DNAH7: variants seen among roughly 807,000 people sequenced by gnomAD.
DNAH7 encodes the protein axonemal beta dynein heavy chain 7.
Under a neutral mutation model 444.6 loss-of-function variants are expected in DNAH7, and 397 were observed. That is an observed-to-expected ratio of 0.89 (90% CI 0.82 to 0.97). DNAH7 has a LOEUF of 0.97. DNAH7 is among the 50% of genes least tolerant of loss of function. DNAH7 has a pLI of 0.00. For synonymous variants in DNAH7, 1,636 were observed against 1,624.4 expected (o/e 1.01, Z -0.17); for missense variants, 4,902 against 4,800.8 (o/e 1.02, Z -0.62).
chr2:195,910,095 C>T lies in DNAH7; in HGVS notation c.4036G>A (p.Ala1346Thr), dbSNP rs1687267813. The T allele has an allele frequency of 6.2e-7, 1 of 1,613,830 alleles. No individual in the cohort carries two copies. Among genetic ancestry groups the T allele is most frequent in the African/African-American group, 1.3e-5 (1 of 74,900 alleles). ...CAGTTGAAAACAACACATTGTTTGG[C>T]TACAGCTTTTGCCAAATCCTTGGTA... Reference protein sequence around the residue: ...ETTKDLAKAVAKQCVVFNCSD... With the variant: ...ETTKDLAKAVTKQCVVFNCSD... The change falls in exon 25 of 65, where the codon GCC becomes ACC. Residue 1346 changes from alanine (A) to threonine (T), a missense_variant. Coordinates refer to ENST00000312428, the MANE Select transcript of DNAH7 (RefSeq NM_018897.3).
At chr2:196,031,105 C>T (rs1272228556) in intron 5 of DNAH7, among the ~76,000 whole-genome samples, 1 of 152,250 alleles carries the variant, frequency 6.6e-6, no homozygotes, top group Non-Finnish European at 1.5e-5. Flanking sequence ...CATTTCCATA[C>T]ATCTTCTGAA....
Position 195,871,596 on chromosome 2 carries a change from TA to T in DNAH7, c.6633+653del, listed in dbSNP as rs957555551. 6.4e-3 allele frequency among the ~76,000 whole-genome samples: 924 copies of T among 143,972 alleles called. 7 individuals carry two copies. Among genetic ancestry groups the T allele is most frequent in the African/African-American group, 0.017 (671 of 39,610 alleles). The allele number at this position is 143,972 out of a possible 152,430, so 94.5% of individuals were successfully genotyped here. A position where few individuals can be genotyped will look rare whatever the true frequency, so the allele number is the denominator to read the frequency against. On this transcript the variant is annotated intron_variant, in intron 40 of 64. Coordinates refer to ENST00000312428, the MANE Select transcript of DNAH7 (RefSeq NM_018897.3). ...AGTAATACTATACAAATAAGTAATGTAAAAAAAAAAAACCACATTCACTTCT... is the reference window on the plus strand; with the variant it reads ...AGTAATACTATACAAATAAGTAATGTAAAAAAAAAAACCACATTCACTTCT...
Position 195,960,857 on chromosome 2 carries a change from G to A in DNAH7, c.2294C>T (p.Pro765Leu). 1 of 1,614,096 alleles carries A rather than the reference G, an allele frequency of 6.2e-7. No homozygotes were observed. The highest frequency in any genetic ancestry group is 2.2e-5 in the East Asian group (1 of 44,880). ...QRKKIQDGLNPYLRLYETAVE... is the reference protein window; with the variant it reads ...QRKKIQDGLNLYLRLYETAVE... ...AGCAGTTTCATAAAGACGAAGATAA[G>A]GGTTCAAGCCATCTTGGATTTTTTT... Residue 765 changes from proline to leucine, a missense_variant, in exon 18 of 65, where the codon CCT (proline) becomes CTT (leucine). Coordinates refer to ENST00000312428, the MANE Select transcript of DNAH7 (RefSeq NM_018897.3).
rs139900518 is a variant in DNAH7, at chr2:195,820,944, T to C, written c.9292-3115A>G. Among the ~76,000 whole-genome samples the C allele has an allele frequency of 1.5e-3, 229 of 152,346 alleles. 1 individual carries two copies. Among genetic ancestry groups the C allele is most frequent in the African/African-American group, 5.4e-3 (223 of 41,580 alleles). ...TTTTATGTTTTATTCCTCTCAAGGC[T>C]CTGCTAGTCTATGAAGTACCTTGTG... On this transcript the variant is annotated intron_variant, in intron 49 of 64. Coordinates refer to ENST00000312428, the MANE Select transcript of DNAH7 (RefSeq NM_018897.3).
chr2:195,922,341 G>A, intron 23 of DNAH7, 144 bp from the exon 24 acceptor site: 1 of 597,060 alleles, frequency 1.7e-6, no homozygotes, highest in East Asian at 2.8e-5. Flanking sequence ...GCAGAATTAA[G>A]TATCTAGTTT....
In DNAH7 at chr2:195,737,946, G is replaced by A. The variant is rs1373046116; in HGVS notation, c.12050C>T (p.Ala4017Val). 6.2e-7 allele frequency: 1 copy of A among 1,614,052 alleles called. No homozygotes were observed. The highest frequency in any genetic ancestry group is 8.5e-7 in the Non-Finnish European group (1 of 1,179,912). ...TTATGAATTAAGTTGACATAACAGT[G>A]CTACACCTCGTCCAATCCAGTGTTC... ...PKEHWIGRGVALLCQLNS is the reference protein window; with the variant it reads ...PKEHWIGRGVVLLCQLNS The change falls in exon 65 of 65, where the codon GCA becomes GTA. Residue 4017 changes from alanine to valine, a missense_variant. By Grantham distance (64) the Ala-to-Val change is moderately conservative. Coordinates refer to ENST00000312428, the MANE Select transcript of DNAH7 (RefSeq NM_018897.3).
chr2:195,930,247 CAGA>C (rs771442961), intron 21 of DNAH7, among the ~76,000 whole-genome samples: 1 of 152,082 alleles, frequency 6.6e-6, no homozygotes, highest in South Asian at 2.1e-4. Flanking sequence ...GGAGCTGAGA[CAGA>C]AGAATTGCTT....
At chr2:195,986,711 G>A (rs1692936010) in intron 14 of DNAH7, among the ~76,000 whole-genome samples, 1 of 152,040 alleles carries the variant, frequency 6.6e-6, no homozygotes, top group Non-Finnish European at 1.5e-5. Context: ...TGGTCCCTTA[G>A]GACCCATAAC....
chr2:195,958,027 T>C (rs1175644933), intron 18 of DNAH7, among the ~76,000 whole-genome samples: 1 of 152,170 alleles, frequency 6.6e-6, no homozygotes, highest in African/African-American at 2.4e-5. Flanking sequence ...AAAGGCTTTA[T>C]TTCTAGAATA....
At chr2:195,794,274 G>A in intron 57 of DNAH7, 64 bp downstream of exon 57, 1 of 1,515,876 alleles carries the variant, frequency 6.6e-7, no homozygotes, top group Non-Finnish European at 9.1e-7. Context: ...ACACATCCAT[G>A]ATCACCAGGG....
At chr2:195,903,235 T>C (rs1445065960) in intron 27 of DNAH7, 2 of 150,686 alleles carry the variant, frequency 1.3e-5, no homozygotes, top group African/African-American at 4.9e-5. Flanking sequence ...TACATATTGG[T>C]ACAATAAAAA....
intron 15 of DNAH7, among the ~76,000 whole-genome samples, chr2:195,975,805 C>T (rs577060643): frequency 1.3e-5 from 2 of 152,314 alleles, no homozygotes; most frequent in African/African-American, 4.8e-5. Flanking sequence ...TCTAGACACA[C>T]ATGGGCCAGA....
intron 47 of DNAH7, among the ~76,000 whole-genome samples, chr2:195,839,062 T>C (rs1385749042): frequency 1.3e-5 from 2 of 151,838 alleles, no homozygotes; most frequent in Admixed American, 6.6e-5. Context: ...CACTCAATAA[T>C]AGCAGGATAT....
intron 63 of DNAH7, among the ~76,000 whole-genome samples, chr2:195,742,105 G>A (rs961620054): frequency 1.3e-5 from 2 of 152,138 alleles, no homozygotes; most frequent in Admixed American, 6.5e-5. Flanking sequence ...TATAACTCTG[G>A]TAAAGCTGGA....
At chr2:195,771,034 G>A (rs1422144231) in intron 61 of DNAH7, among the ~76,000 whole-genome samples, 1 of 151,962 alleles carries the variant, frequency 6.6e-6, no homozygotes, top group African/African-American at 2.4e-5. Context: ...TAAAATGTGA[G>A]CCTGGGCCAG....
intron 12 of DNAH7, among the ~76,000 whole-genome samples, chr2:195,990,949 A>G (rs1209602995): frequency 2.8e-5 from 4 of 143,550 alleles, no homozygotes; most frequent in African/African-American, 1.1e-4. Flanking sequence ...ATATATACAT[A>G]TATATACTTA....
At chr2:196,020,017 C>T (rs963702054) in intron 8 of DNAH7, among the ~76,000 whole-genome samples, 1 of 151,796 alleles carries the variant, frequency 6.6e-6, no homozygotes, top group Non-Finnish European at 1.5e-5. Context: ...CTACCACCAC[C>T]ATGTAAAGAT....
At chr2:195,796,090 G>C (rs1010972187) in intron 56 of DNAH7, among the ~76,000 whole-genome samples, 2 of 152,174 alleles carry the variant, frequency 1.3e-5, no homozygotes, top group Non-Finnish European at 2.9e-5. Flanking sequence ...ACTGCAAGGT[G>C]GGTGGGAACA....
intron 63 of DNAH7, among the ~76,000 whole-genome samples, chr2:195,752,532 A>C (rs1693851232): frequency 6.6e-6 from 1 of 152,284 alleles, no homozygotes; most frequent in Admixed American, 6.5e-5. Context: ...GGACATAAGC[A>C]AAGAGTTAAT....
Sources: allele counts gnomAD v4.1 joint callset (sites outside exome capture counted in the v4.1 genomes callset), GRCh38; gene constraint gnomAD v4.1.1; transcripts MANE v1.5; gene names NCBI Gene and HGNC (gene_info 2026-07-23, HGNC 2026-07-21).